Variants in DOCK1 observed in about 807,000 individuals in gnomAD.
DOCK1 encodes the protein dedicator of cytokinesis protein 1.
Under a neutral mutation model 262.7 loss-of-function variants are expected in DOCK1, and 138 were observed. The ratio of observed to expected loss-of-function variants is 0.53; its 90% CI spans 0.46 to 0.61. DOCK1 has a LOEUF of 0.61. Ranked by LOEUF, DOCK1 falls within the 20% of genes least tolerant of loss-of-function variation. DOCK1 has a pLI of 0.00. For missense variants in DOCK1, 1,908 were observed against 2,370.7 expected (o/e 0.80, Z 4.05); for synonymous variants, 866 against 867.4 (o/e 1.00, Z 0.03).
At chr10:127,113,250 G>A (rs1391249082) in intron 25 of DOCK1, among the ~76,000 whole-genome samples, 2 of 152,104 alleles carry the variant, frequency 1.3e-5, no homozygotes, top group African/African-American at 4.8e-5. Context: ...GGTATAACTG[G>A]ATTTAGCTGC....
intron 16 of DOCK1, among the ~76,000 whole-genome samples, chr10:127,028,607 G>C (rs983350669): frequency 6.6e-6 from 1 of 152,154 alleles, no homozygotes; most frequent in Admixed American, 6.5e-5. Context: ...GAGTGGCGAG[G>C]CCACTTCTTT....
intron 1 of DOCK1, among the ~76,000 whole-genome samples, chr10:126,909,583 C>G (rs1363374037): frequency 1.3e-5 from 2 of 152,174 alleles, no homozygotes; most frequent in Non-Finnish European, 2.9e-5. Flanking sequence ...ACTTTGGCCA[C>G]TTCCAAGTGC....
intron 33 of DOCK1, among the ~76,000 whole-genome samples, chr10:127,363,763 CTGTTTCCTAGAACA>C (rs1288412151): frequency 1.3e-5 from 2 of 152,198 alleles, no homozygotes; most frequent in Non-Finnish European, 2.9e-5. Context: ...AATGATTTTG[CTGTTTCCTAGAACA>C]GAAAAGAGAG....
chr10:126,972,035 G>T (rs987097362), intron 2 of DOCK1, among the ~76,000 whole-genome samples: 30 of 152,156 alleles, frequency 2.0e-4, no homozygotes, highest in African/African-American at 7.0e-4. Context: ...TCCTGCCTCA[G>T]CCTCCTGAGT....
chr10:127,096,712 A>G (rs2047930907), intron 23 of DOCK1, among the ~76,000 whole-genome samples: 1 of 151,774 alleles, frequency 6.6e-6, no homozygotes, highest in African/African-American at 2.4e-5. Context: ...TTAAGCTGAT[A>G]CTAGATGGAA....
At chr10:126,985,580 G>C (rs2039321699) in intron 4 of DOCK1, among the ~76,000 whole-genome samples, 1 of 152,148 alleles carries the variant, frequency 6.6e-6, no homozygotes. Context: ...TTGAGCTCCA[G>C]GCTTCTCATA....
chr10:127,061,866 T>A, intron 23 of DOCK1, 90 bp downstream of exon 23: 1 of 954,690 alleles, frequency 1.0e-6, no homozygotes, highest in Non-Finnish European at 1.5e-6. Context: ...TACAGTTAAT[T>A]AACTTGCCCC....
At chr10:127,443,708 C>T (rs992686968) in intron 49 of DOCK1, among the ~76,000 whole-genome samples, 1 of 152,104 alleles carries the variant, frequency 6.6e-6, no homozygotes, top group Non-Finnish European at 1.5e-5. Flanking sequence ...GGCATTCATC[C>T]CTTGCCCTGT....
chr10:127,382,839 T>C (rs1015710803), intron 37 of DOCK1, among the ~76,000 whole-genome samples: 2 of 152,370 alleles, frequency 1.3e-5, no homozygotes, highest in African/African-American at 2.4e-5. Flanking sequence ...TGTTTAATCA[T>C]TGGATTTATT....
intron 3 of DOCK1, among the ~76,000 whole-genome samples, chr10:126,980,369 A>G (rs901851828): frequency 6.6e-6 from 1 of 151,832 alleles, no homozygotes; most frequent in Admixed American, 6.6e-5. Context: ...TTTGTAAAAA[A>G]AATTTCGGCA....
intron 29 of DOCK1, among the ~76,000 whole-genome samples, chr10:127,327,205 C>G (rs1194111943): frequency 6.6e-6 from 1 of 152,194 alleles, no homozygotes; most frequent in Non-Finnish European, 1.5e-5. Context: ...AGTTTTGAAG[C>G]CAGGAATTGA....
chr10:127,254,748 G>A (rs1442278617), intron 28 of DOCK1, among the ~76,000 whole-genome samples: 1 of 152,216 alleles, frequency 6.6e-6, no homozygotes, highest in Non-Finnish European at 1.5e-5. Context: ...TGGCTGAGCA[G>A]AATGGAAATT....
At chr10:127,256,971 G>T (rs1308409744) in intron 28 of DOCK1, among the ~76,000 whole-genome samples, 1 of 152,124 alleles carries the variant, frequency 6.6e-6, no homozygotes, top group Non-Finnish European at 1.5e-5. Flanking sequence ...AATTGATTTA[G>T]AGCAAACATA....
intron 16 of DOCK1, among the ~76,000 whole-genome samples, chr10:127,026,680 G>A (rs1318969120): frequency 1.3e-5 from 2 of 152,054 alleles, no homozygotes; most frequent in African/African-American, 2.4e-5. Context: ...CCAGTCTTCC[G>A]TGTTGACTTG....
At chr10:127,066,102 C>T (rs557936444) in intron 23 of DOCK1, among the ~76,000 whole-genome samples, 11 of 152,160 alleles carry the variant, frequency 7.2e-5, no homozygotes, top group Admixed American at 3.9e-4. Context: ...TTGCCCTCGG[C>T]GTTTCTCTCT....
At position 127,012,328 on chromosome 10, in the gene DOCK1, T is replaced by A; in HGVS notation, c.1155T>A (p.Val385=). 8.7e-6 allele frequency: 14 copies of A among 1,614,062 alleles called. No homozygotes were observed. The highest frequency in any genetic ancestry group is 1.0e-5 in the Non-Finnish European group (12 of 1,179,904). ...VAGENDFLQT[V]INKVIAAKEV... ...GGGAGAATGACTTCCTTCAGACTGT[T>A]ATAAACAAAGTCATCGCTGCCAAAG... The change falls in exon 12 of 52, where the codon GTT becomes GTA. Residue 385 remains valine, a synonymous_variant. Transcript: ENST00000623213. This position sits in a 1 kb window ranked among gnomAD's most constrained non-coding sequence, Gnocchi z 4.0.
rs762273476 is a variant in DOCK1 at position 127,347,832 on chromosome 10, GCCTTCCCTTCCCTTCCCTTC to G, written c.3224+4119_3224+4138del. On this transcript the variant is annotated intron_variant, in intron 31 of 51. Coordinates refer to ENST00000623213, the MANE Select transcript of DOCK1 (RefSeq NM_001290223.2). ...CTGAGGGAGCATCCCCAACCCCTCA[GCCTTCCCTTCCCTTCCCTTC>G]CCTTCCCTTCCCTTCCCTTCCCTTC... 1.4e-4 allele frequency among the ~76,000 whole-genome samples: 8 copies of G among 57,546 alleles called. 2 individuals carry two copies. The highest frequency in any genetic ancestry group is 3.7e-4 in the Admixed American group (2 of 5,470). The allele number at this position is 57,546 out of a possible 152,430, so 37.8% of individuals were successfully genotyped here.
intron 25 of DOCK1, among the ~76,000 whole-genome samples, chr10:127,114,689 G>A (rs772682539): frequency 6.6e-6 from 1 of 151,920 alleles, no homozygotes; most frequent in Non-Finnish European, 1.5e-5. Flanking sequence ...AGAGAGAAGA[G>A]AGTAATGCAT....
intron 24 of DOCK1, among the ~76,000 whole-genome samples, chr10:127,109,632 G>A (rs1004730065): frequency 6.6e-6 from 1 of 152,120 alleles, no homozygotes; most frequent in African/African-American, 2.4e-5. Flanking sequence ...ATCATACAAC[G>A]TGTGGCCTCT....
Sources: gnomAD v4.1 joint callset for allele counts (sites outside exome capture counted in the v4.1 genomes callset) on GRCh38, gnomAD v4.1.1 for gene constraint, Gnocchi (gnomAD v3.1) non-coding constraint, MANE v1.5 for transcripts, NCBI Gene and HGNC (gene_info 2026-07-23, HGNC 2026-07-21) for gene names.